The following KIF16B variants were observed in gnomAD, a reference collection of about 807,000 sequenced individuals.
The protein encoded by KIF16B is kinesin-like protein KIF16B.
A neutral mutation model predicts 156.3 loss-of-function variants in KIF16B; 98 were observed. The ratio of observed to expected loss-of-function variants is 0.63; its 90% CI spans 0.53 to 0.74. KIF16B has a LOEUF of 0.74. KIF16B is among the 30% of genes least tolerant of loss of function. The pLI, the probability that KIF16B is intolerant of heterozygous loss-of-function variation, is 0.00. For missense variants in KIF16B, 1,421 were observed against 1,606.5 expected (o/e 0.88, Z 1.97); for synonymous variants, 564 against 583.7 (o/e 0.97, Z 0.49).
At chr20:16,534,418 G>C (rs193054530) in intron 1 of KIF16B, among the ~76,000 whole-genome samples, 1 of 152,164 alleles carries the variant, frequency 6.6e-6, no homozygotes, top group African/African-American at 2.4e-5. Flanking sequence ...TTCTGGATAT[G>C]AGTCCCCTAT....
intron 11 of KIF16B, among the ~76,000 whole-genome samples, chr20:16,494,625 C>T (rs1458987711): frequency 1.3e-5 from 2 of 152,108 alleles, no homozygotes; most frequent in Non-Finnish European, 2.9e-5. Flanking sequence ...AAAGCAGCTC[C>T]CTTGGATTAT....
At chr20:16,317,762 G>A (rs552709190) in intron 24 of KIF16B, among the ~76,000 whole-genome samples, 1 of 152,204 alleles carries the variant, frequency 6.6e-6, no homozygotes, top group South Asian at 2.1e-4. Flanking sequence ...AAGAGATGAC[G>A]GGAGACAAGG....
intron 25 of KIF16B, among the ~76,000 whole-genome samples, chr20:16,285,588 A>AG (rs550060162): frequency 3.9e-5 from 6 of 152,188 alleles, no homozygotes; most frequent in Non-Finnish European, 7.3e-5. Context: ...AGGCTGAGGT[A>AG]GGTGGATCAC....
At chr20:16,416,271 T>C (rs2066085119) in intron 15 of KIF16B, among the ~76,000 whole-genome samples, 1 of 152,180 alleles carries the variant, frequency 6.6e-6, no homozygotes, top group Admixed American at 6.5e-5. Flanking sequence ...AATTTCTTCA[T>C]AAAAATCTTT....
At chr20:16,381,661 G>A (rs1236755984) in intron 18 of KIF16B, 33 bp downstream of exon 18, 1 of 1,554,876 alleles carries the variant, frequency 6.4e-7, no homozygotes, top group Non-Finnish European at 8.9e-7. Flanking sequence ...CCAGACTACA[G>A]GAGTGTTGAA....
In KIF16B at chr20:16,429,914, A is replaced by G. The variant is rs34550969; in HGVS notation, c.1371T>C (p.Ile457=). 1 of 1,612,636 alleles carries G rather than the reference A, an allele frequency of 6.2e-7. No homozygotes were observed. The highest frequency in any genetic ancestry group is 8.5e-7 in the Non-Finnish European group (1 of 1,179,048). Residue 457 remains isoleucine, a synonymous_variant, in exon 13 of 26, where the codon ATT becomes ATC. Coordinates refer to ENST00000354981, the MANE Select transcript of KIF16B (RefSeq NM_024704.5). ...TACTCAAAAGGTCATCATCGATGCCAATCAAATGAGGCAGTTCAGAATCCA... is the reference window on the plus strand; with the variant it reads ...TACTCAAAAGGTCATCATCGATGCCGATCAAATGAGGCAGTTCAGAATCCA... ...VVLDSELPHL[I]GIDDDLLSTG...
chr20:16,506,752 G>A (rs1285426035), intron 7 of KIF16B, among the ~76,000 whole-genome samples: 2 of 151,704 alleles, frequency 1.3e-5, no homozygotes, highest in Admixed American at 6.6e-5. Context: ...ACCAAAATGC[G>A]CCCCCCGCCA....
chr20:16,351,223 C>T (rs187908013), intron 23 of KIF16B, among the ~76,000 whole-genome samples: 22 of 152,108 alleles, frequency 1.4e-4, no homozygotes, highest in East Asian at 3.9e-4. Flanking sequence ...TTTATGTTAC[C>T]GTGTTGACAT....
intron 1 of KIF16B, among the ~76,000 whole-genome samples, chr20:16,533,333 T>G (rs2069827794): frequency 6.6e-6 from 1 of 152,138 alleles, no homozygotes; most frequent in South Asian, 2.1e-4. Flanking sequence ...CCAGGGAAGC[T>G]TGACAGAAAT....
rs186505352 is a variant in KIF16B, at chr20:16,350,006, T to C, written c.3621+6324A>G. Among the ~76,000 whole-genome samples the C allele has an allele frequency of 4.6e-4, 70 of 152,356 alleles. No homozygotes were observed. In the East Asian group the frequency reaches 0.012, roughly 25 times the overall value. Reference sequence around the variant, plus strand: ...TCCCTGGAACACTTCCGTGAGGTTATACATCCTCGTTATCATTCATTACTC... The same window carrying C: ...TCCCTGGAACACTTCCGTGAGGTTACACATCCTCGTTATCATTCATTACTC... On this transcript the variant is annotated intron_variant, in intron 23 of 25. Coordinates refer to ENST00000354981, the MANE Select transcript of KIF16B (RefSeq NM_024704.5).
intron 25 of KIF16B, among the ~76,000 whole-genome samples, chr20:16,275,365 G>C (rs552980746): frequency 1.1e-3 from 174 of 152,262 alleles, no homozygotes; most frequent in African/African-American, 4.1e-3. Flanking sequence ...CAGATAAACT[G>C]TACATTCTTT....
chr20:16,510,796 C>T (rs949517788), intron 6 of KIF16B, among the ~76,000 whole-genome samples: 1 of 152,184 alleles, frequency 6.6e-6, no homozygotes, highest in African/African-American at 2.4e-5. Context: ...AACATGAAAG[C>T]ACATCTCTAT....
intron 12 of KIF16B, among the ~76,000 whole-genome samples, chr20:16,442,692 A>C (rs2066835774): frequency 6.6e-6 from 1 of 152,074 alleles, no homozygotes; most frequent in Non-Finnish European, 1.5e-5. Context: ...GAGGAGAACC[A>C]CCAGCAGCGG....
chr20:16,489,475 T>C (rs1410413160), intron 12 of KIF16B, among the ~76,000 whole-genome samples: 2 of 152,084 alleles, frequency 1.3e-5, no homozygotes, highest in Admixed American at 1.3e-4. Context: ...GGCAGGAGAA[T>C]TGCTTGAGCC....
intron 12 of KIF16B, among the ~76,000 whole-genome samples, chr20:16,479,326 G>T (rs1340996086): frequency 6.6e-6 from 1 of 152,118 alleles, no homozygotes. Context: ...AGAAGACACA[G>T]GGAGTGGAAC....
intron 25 of KIF16B, among the ~76,000 whole-genome samples, chr20:16,289,164 G>A (rs554886249): frequency 5.8e-4 from 88 of 152,244 alleles, no homozygotes; most frequent in African/African-American, 2.0e-3. Flanking sequence ...AACATCTTAT[G>A]TAGTTTATTG....
At chr20:16,513,274 T>A (rs948442355) in intron 4 of KIF16B, among the ~76,000 whole-genome samples, 2 of 151,950 alleles carry the variant, frequency 1.3e-5, no homozygotes, top group African/African-American at 4.8e-5. Context: ...GTAGGTGAAA[T>A]ACACACCAGG....
intron 25 of KIF16B, among the ~76,000 whole-genome samples, chr20:16,304,217 T>C (rs1407763433): frequency 6.6e-6 from 1 of 152,246 alleles, no homozygotes; most frequent in Non-Finnish European, 1.5e-5. Flanking sequence ...TTTGCTTTCC[T>C]CTTACACCAA....
At chr20:16,472,333 A>T (rs545189323) in intron 12 of KIF16B, among the ~76,000 whole-genome samples, 55 of 152,154 alleles carry the variant, frequency 3.6e-4, no homozygotes, top group Non-Finnish European at 6.9e-4. Context: ...TTATCTCTTT[A>T]CATAGATTAT....
Sources: gnomAD v4.1 joint callset for allele counts (sites outside exome capture counted in the v4.1 genomes callset) on GRCh38, gnomAD v4.1.1 for gene constraint, MANE v1.5 for transcripts, NCBI Gene and HGNC (gene_info 2026-07-23, HGNC 2026-07-21) for gene names.